The following CWC27 variants were observed in gnomAD, a reference collection of about 807,000 sequenced individuals.
CWC27 encodes the protein CWC27 spliceosome associated cyclophilin.
Under a neutral mutation model 63.6 loss-of-function variants are expected in CWC27, and 47 were observed. That is an observed-to-expected ratio of 0.74 (90% CI 0.58 to 0.94). CWC27 has a LOEUF of 0.94. Among genes scored for constraint, CWC27 ranks in the 40% least tolerant of loss-of-function variants. The pLI is 0.00. For synonymous variants in CWC27, 175 were observed against 179.8 expected, an observed-to-expected ratio of 0.97 and a Z score of 0.22; for missense variants, 495 against 554.3, an observed-to-expected ratio of 0.89 and a Z score of 1.07.
chr5:64,890,282 C>T (rs1287295824), intron 11 of CWC27, among the ~76,000 whole-genome samples: 5 of 152,174 alleles, frequency 3.3e-5, no homozygotes, highest in African/African-American at 1.2e-4. Context: ...GGTTATTTCA[C>T]ATTTCTTCAG....
At chr5:64,980,271 T>C (rs1416923861) in intron 13 of CWC27, among the ~76,000 whole-genome samples, 1 of 152,174 alleles carries the variant, frequency 6.6e-6, no homozygotes, top group Non-Finnish European at 1.5e-5. Context: ...TACAGACTCA[T>C]ATAGCTGTAG....
intron 13 of CWC27, among the ~76,000 whole-genome samples, chr5:65,001,577 A>G (rs1749733200): frequency 6.6e-6 from 1 of 152,162 alleles, no homozygotes; most frequent in Non-Finnish European, 1.5e-5. Context: ...CAAGACAATC[A>G]TACAATTTTG....
chr5:64,904,900 T>C (rs1441152896), intron 11 of CWC27, among the ~76,000 whole-genome samples: 3 of 152,152 alleles, frequency 2.0e-5, no homozygotes, highest in Non-Finnish European at 4.4e-5. Flanking sequence ...GTATGCCCTT[T>C]AAACTGCTAA....
At chr5:64,793,154 A>G (rs1168724964) in intron 7 of CWC27, among the ~76,000 whole-genome samples, 1 of 152,094 alleles carries the variant, frequency 6.6e-6, no homozygotes, top group Non-Finnish European at 1.5e-5. Flanking sequence ...GGAAGCCACA[A>G]TCTTGACACA....
chr5:64,946,610 T>C (rs1264572339), intron 11 of CWC27, among the ~76,000 whole-genome samples: 1 of 152,168 alleles, frequency 6.6e-6, no homozygotes, highest in Non-Finnish European at 1.5e-5. Context: ...TGAAGGCAGA[T>C]GAGTTATTCA....
At chr5:64,989,863 G>C (rs1010439029) in intron 13 of CWC27, among the ~76,000 whole-genome samples, 1 of 152,126 alleles carries the variant, frequency 6.6e-6, no homozygotes, top group Admixed American at 6.5e-5. Flanking sequence ...TTTCTGTGGG[G>C]TGTGGAGGGG....
intron 13 of CWC27, among the ~76,000 whole-genome samples, chr5:64,978,194 C>T (rs1749265727): frequency 6.6e-6 from 1 of 152,166 alleles, no homozygotes. Context: ...TTTAAAAAGA[C>T]ATAAAAACAC....
intron 10 of CWC27, among the ~76,000 whole-genome samples, chr5:64,809,734 T>C (rs1239801553): frequency 1.3e-5 from 2 of 152,230 alleles, no homozygotes; most frequent in Non-Finnish European, 2.9e-5. Context: ...GCCTATTTTT[T>C]AGTTGGGTTA....
intron 11 of CWC27, among the ~76,000 whole-genome samples, chr5:64,905,374 T>C (rs1456106556): frequency 6.6e-6 from 1 of 152,146 alleles, no homozygotes. Flanking sequence ...TTCTGGCTTC[T>C]GGTCCATGCA....
intron 11 of CWC27, among the ~76,000 whole-genome samples, chr5:64,952,653 T>G (rs1440010643): frequency 6.6e-6 from 1 of 152,020 alleles, no homozygotes; most frequent in Non-Finnish European, 1.5e-5. Context: ...AACATCTATA[T>G]ACTCTTGGAA....
At chr5:64,868,428 A>C (rs1466782586) in intron 10 of CWC27, among the ~76,000 whole-genome samples, 1 of 152,036 alleles carries the variant, frequency 6.6e-6, no homozygotes, top group Admixed American at 6.6e-5. Context: ...TTATCTCCTA[A>C]GTTTGTTTTC....
rs1004753068 is a variant in CWC27 at position 64,768,981 on chromosome 5, T to G, written c.-166T>G. 1 of 617,160 alleles carries G rather than the reference T, an allele frequency of 1.6e-6. No individual in the cohort carries two copies. Among genetic ancestry groups the G allele is most frequent in the African/African-American group, 1.8e-5 (1 of 54,494 alleles). The allele number at this position is 617,160 out of a possible 1,614,324, so 38.2% of individuals were successfully genotyped here. On this transcript the variant is annotated 5_prime_UTR_variant, in exon 1 of 14. Transcript: ENST00000381070. ...TGGCGGCGTCCGTGAGGGGCTCCTTTGGGCAGGGGTAGTGTTTGGTGTCCC... is the reference window on the plus strand; with the variant it reads ...TGGCGGCGTCCGTGAGGGGCTCCTTGGGGCAGGGGTAGTGTTTGGTGTCCC...
At chr5:64,801,392 T>C (rs998006911) in intron 9 of CWC27, 60 bp downstream of exon 9, 1 of 1,197,334 alleles carries the variant, frequency 8.4e-7, no homozygotes, top group African/African-American at 1.6e-5. Context: ...ACAAAATTTT[T>C]ACAAAAACTT....
intron 10 of CWC27, among the ~76,000 whole-genome samples, chr5:64,872,983 G>A (rs961027128): frequency 3.3e-5 from 5 of 152,102 alleles, no homozygotes; most frequent in African/African-American, 1.2e-4. Context: ...GTTGGATACT[G>A]TGATAAATGT....
chr5:64,833,870 C>T (rs1359329595), intron 10 of CWC27, among the ~76,000 whole-genome samples: 1 of 151,398 alleles, frequency 6.6e-6, no homozygotes, highest in Admixed American at 6.6e-5. Flanking sequence ...GAACATTTGC[C>T]GGAACTTCTG....
chr5:64,809,722 T>G (rs1192585017), intron 10 of CWC27, among the ~76,000 whole-genome samples: 1 of 152,212 alleles, frequency 6.6e-6, no homozygotes, highest in Admixed American at 6.5e-5. Flanking sequence ...TTTAGGTATT[T>G]TGCCTATTTT....
intron 10 of CWC27, among the ~76,000 whole-genome samples, chr5:64,882,936 T>C (rs1201873008): frequency 6.6e-6 from 1 of 152,182 alleles, no homozygotes; most frequent in Non-Finnish European, 1.5e-5. Context: ...AACTTAAAAT[T>C]GTATGTGTAT....
At chr5:64,915,111 A>G (rs1747865585) in intron 11 of CWC27, among the ~76,000 whole-genome samples, 1 of 152,174 alleles carries the variant, frequency 6.6e-6, no homozygotes, top group Non-Finnish European at 1.5e-5. Context: ...ATTACTAGGC[A>G]CATATCTGAA....
chr5:64,922,309 A>T (rs993509509), intron 11 of CWC27, among the ~76,000 whole-genome samples: 3 of 152,164 alleles, frequency 2.0e-5, no homozygotes, highest in Non-Finnish European at 4.4e-5. Context: ...TCCCATATTT[A>T]TCAGAGGTTT....
Sources: gnomAD v4.1 joint callset for allele counts (sites outside exome capture counted in the v4.1 genomes callset) on GRCh38, gnomAD v4.1.1 for gene constraint, MANE v1.5 for transcripts, NCBI Gene and HGNC (gene_info 2026-07-23, HGNC 2026-07-21) for gene names.